RNF216: variants seen among roughly 807,000 people sequenced by gnomAD.
RNF216 encodes E3 ubiquitin-protein ligase RNF216.
Under a neutral mutation model 110.8 loss-of-function variants are expected in RNF216, and 72 were observed. That is an observed-to-expected ratio of 0.65 (90% CI 0.54 to 0.79). RNF216 has a LOEUF of 0.79. Ranked by LOEUF, RNF216 falls within the 30% of genes least tolerant of loss-of-function variation. The pLI, the probability that RNF216 is intolerant of heterozygous loss-of-function variation, is 0.00. For synonymous variants in RNF216, 495 were observed against 407.5 expected (o/e 1.21, Z -2.59); for missense variants, 1,342 against 1,141.2 (o/e 1.18, Z -2.54).
At chr7:5,641,880 A>G in intron 14 of RNF216, among the ~76,000 whole-genome samples, 1 of 151,822 alleles carries the variant, frequency 6.6e-6, no homozygotes, top group East Asian at 1.9e-4. Context: ...TAAAAATACA[A>G]AAATTTGCCA....
rs572639006 is a variant in RNF216, at chr7:5,688,645, C to G, written c.2061+23116G>C. Among the ~76,000 whole-genome samples, 5 of 152,356 alleles carry G rather than the reference C, an allele frequency of 3.3e-5. No homozygotes were observed. The South Asian group carries it at 1.0e-3, about 32-fold the overall frequency. ...ATACAAAGTGAGCAGAAGGCTCACT[C>G]TGCGCACCTTACCTTGCTTTACACA... On this transcript the variant is annotated intron_variant, in intron 13 of 16. Coordinates refer to ENST00000389902, the MANE Select transcript of RNF216 (RefSeq NM_207111.4).
chr7:5,675,226 C>G (rs1195203265), intron 13 of RNF216, among the ~76,000 whole-genome samples: 1 of 152,222 alleles, frequency 6.6e-6, no homozygotes, highest in African/African-American at 2.4e-5. Context: ...GGGCACTTCA[C>G]AGACATCACC....
chr7:5,701,802 A>G (rs1013913187), intron 13 of RNF216, among the ~76,000 whole-genome samples: 1 of 152,200 alleles, frequency 6.6e-6, no homozygotes, highest in Non-Finnish European at 1.5e-5. Context: ...CTGCACATCA[A>G]TCAACACTTC....
chr7:5,678,842 A>G (rs2128603387), intron 13 of RNF216, among the ~76,000 whole-genome samples: 1 of 152,318 alleles, frequency 6.6e-6, no homozygotes, highest in East Asian at 1.9e-4. Context: ...GCTGGACTGG[A>G]TAAATTAAGA....
At chr7:5,655,269 G>C (rs1016572546) in intron 13 of RNF216, among the ~76,000 whole-genome samples, 2 of 152,140 alleles carry the variant, frequency 1.3e-5, no homozygotes, top group Non-Finnish European at 2.9e-5. Context: ...GAACGTGTGG[G>C]TTTTCAGCCA....
At chr7:5,743,950 T>C (rs769537868) in intron 3 of RNF216, among the ~76,000 whole-genome samples, 2 of 152,308 alleles carry the variant, frequency 1.3e-5, no homozygotes, top group East Asian at 3.9e-4. Context: ...AACAACATCA[T>C]ACAGAATCCC....
intron 13 of RNF216, among the ~76,000 whole-genome samples, 160 bp downstream of exon 13, chr7:5,711,601 G>A (rs1255398918): frequency 1.3e-5 from 2 of 152,158 alleles, no homozygotes; most frequent in South Asian, 2.1e-4. Flanking sequence ...CATGTCAACC[G>A]TTACTCACAA....
intron 13 of RNF216, among the ~76,000 whole-genome samples, chr7:5,688,391 C>A (rs1791117435): frequency 1.3e-5 from 2 of 152,214 alleles, no homozygotes; most frequent in Non-Finnish European, 2.9e-5. Flanking sequence ...AGCTACACCT[C>A]TTTTCTATCC....
At chr7:5,660,943 G>GTTTTTTTTTTT (rs1168463360) in intron 13 of RNF216, among the ~76,000 whole-genome samples, 34 of 90,168 alleles carry the variant, frequency 3.8e-4, no homozygotes, top group East Asian at 1.2e-3. Context: ...GAAGCCTTAG[G>GTTTTTTTTTTT]TTTTTTTTTT....
chr7:5,673,310 G>T (rs1790047097), intron 13 of RNF216, among the ~76,000 whole-genome samples: 1 of 152,238 alleles, frequency 6.6e-6, no homozygotes, highest in Admixed American at 6.5e-5. Flanking sequence ...GGCCCTGTCA[G>T]TGGAGCTGCT....
At chr7:5,748,027 G>A (rs563340482) in intron 3 of RNF216, among the ~76,000 whole-genome samples, 3 of 152,114 alleles carry the variant, frequency 2.0e-5, no homozygotes, top group Non-Finnish European at 4.4e-5. Context: ...AAATTCCTAT[G>A]CTCCAAGAAA....
At chr7:5,693,875 C>T (rs952234669) in intron 13 of RNF216, among the ~76,000 whole-genome samples, 3 of 152,122 alleles carry the variant, frequency 2.0e-5, no homozygotes, top group Non-Finnish European at 4.4e-5. Flanking sequence ...CAAGGAGATG[C>T]TATTTGCTTA....
chr7:5,770,708 G>C (rs913939661), intron 1 of RNF216, among the ~76,000 whole-genome samples: 3 of 151,802 alleles, frequency 2.0e-5, no homozygotes, highest in Non-Finnish European at 2.9e-5. Flanking sequence ...ATTTACAGTA[G>C]GAGATATTGT....
intron 13 of RNF216, among the ~76,000 whole-genome samples, chr7:5,703,768 A>G (rs929307837): frequency 6.6e-6 from 1 of 152,214 alleles, no homozygotes. Context: ...TCACCACCTG[A>G]TGGTCTCTCG....
intron 2 of RNF216, among the ~76,000 whole-genome samples, chr7:5,754,335 T>A (rs564850184): frequency 5.3e-5 from 8 of 150,684 alleles, no homozygotes; most frequent in Non-Finnish European, 8.9e-5. Context: ...AAAAAAAAAA[T>A]TTTTTTTTGT....
chr7:5,747,932 CTG>C (rs893033889), intron 3 of RNF216, among the ~76,000 whole-genome samples: 48 of 152,188 alleles, frequency 3.2e-4, no homozygotes, highest in African/African-American at 1.1e-3. Context: ...TTTTGAGCCA[CTG>C]TGTCTGCCCT....
At chr7:5,706,088 C>CATG (rs1792269169) in intron 13 of RNF216, among the ~76,000 whole-genome samples, 1 of 151,928 alleles carries the variant, frequency 6.6e-6, no homozygotes, top group Non-Finnish European at 1.5e-5. Flanking sequence ...GGCATGGTGG[C>CATG]ATGTGCCTGT....
At chr7:5,753,867 T>G (rs149550027) in intron 2 of RNF216, among the ~76,000 whole-genome samples, 1,623 of 152,176 alleles carry the variant, frequency 0.011, 17 homozygotes, top group Non-Finnish European at 0.018. Flanking sequence ...TGGTGGCGCA[T>G]GCCTGTAATC....
At chr7:5,737,076 T>C (rs1045180675) in intron 5 of RNF216, among the ~76,000 whole-genome samples, 5 of 152,214 alleles carry the variant, frequency 3.3e-5, no homozygotes, top group African/African-American at 9.7e-5. Flanking sequence ...CTGTGTCGAA[T>C]AGAAAAGGGG....
Sources: allele counts gnomAD v4.1 joint callset (sites outside exome capture counted in the v4.1 genomes callset), GRCh38; gene constraint gnomAD v4.1.1; transcripts MANE v1.5; gene names NCBI Gene and HGNC (gene_info 2026-07-23, HGNC 2026-07-21).